Variants in ELSPBP1 observed in about 807,000 individuals in gnomAD.
The protein encoded by ELSPBP1 is epididymal sperm-binding protein 1.
A neutral mutation model predicts 33.3 loss-of-function variants in ELSPBP1; 38 were observed. That is an observed-to-expected ratio of 1.14 (90% CI 0.88 to 1.50). The LOEUF is 1.50. Ranked by LOEUF, ELSPBP1 falls within the 40% of genes most tolerant of loss-of-function variation. ELSPBP1 has a pLI of 0.00. For synonymous variants in ELSPBP1, 85 were observed against 94.1 expected, an observed-to-expected ratio of 0.90 and a Z score of 0.56; for missense variants, 267 against 263.5, an observed-to-expected ratio of 1.01 and a Z score of -0.09.
intron 6 of ELSPBP1, among the ~76,000 whole-genome samples, chr19:48,022,876 C>A (rs1335218445): frequency 1.8e-5 from 2 of 109,264 alleles, no homozygotes; most frequent in East Asian, 3.1e-4. Flanking sequence ...TGTAGCAAGA[C>A]CCTGTCTCTA....
intron 1 of ELSPBP1, among the ~76,000 whole-genome samples, chr19:48,001,346 ATT>A (rs67597303): frequency 2.6e-4 from 37 of 144,710 alleles, no homozygotes; most frequent in Non-Finnish European, 3.6e-4. Context: ...CACCCAGCTA[ATT>A]TTTTTTTTTT....
At chr19:48,023,316 GGA>G (rs1459779068) in intron 6 of ELSPBP1, among the ~76,000 whole-genome samples, 3 of 130,410 alleles carry the variant, frequency 2.3e-5, no homozygotes, top group Non-Finnish European at 4.8e-5. Flanking sequence ...AAGAAAGGAA[GGA>G]GAGAGGGAAA....
Position 48,011,949 on chromosome 19 carries a change from G to A in ELSPBP1, c.71-2222G>A, listed in dbSNP as rs1568406084. Among the ~76,000 whole-genome samples the A allele has an allele frequency of 6.6e-6, 1 of 152,096 alleles. No homozygotes were observed. The highest frequency in any genetic ancestry group is 1.5e-5 in the Non-Finnish European group (1 of 68,024). On this transcript the variant is annotated intron_variant, in intron 2 of 6. Transcript: ENST00000339841. The surrounding 1 kb of genome is among the most constrained non-coding windows in gnomAD (Gnocchi z 4.5). ...AAAAATGCAATGAACTAACAGTTGA[G>A]CAAGTTGAGCTCTCATCCCAGGTCT... is the stretch of plus-strand genomic sequence containing the variant.
chr19:48,014,052 C>T (rs1053117010), intron 2 of ELSPBP1, 119 bp from the exon 3 acceptor site: 29 of 1,156,352 alleles, frequency 2.5e-5, no homozygotes, highest in Admixed American at 8.1e-5. Flanking sequence ...ATGAATTTTG[C>T]GGCGGGGGCA....
intron 1 of ELSPBP1, 36 bp from the exon 2 acceptor site, chr19:48,008,615 C>A (rs1268581690): frequency 2.1e-6 from 3 of 1,452,890 alleles, no homozygotes; most frequent in Non-Finnish European, 2.9e-6. Flanking sequence ...AGGAAGGGGA[C>A]GTGTGGGATG....
chr19:48,000,244 T>G (rs1600100452), intron 1 of ELSPBP1, among the ~76,000 whole-genome samples: 2 of 7,888 alleles, frequency 2.5e-4, no homozygotes, highest in South Asian at 3.5e-3. Context: ...CCCTCCCCCA[T>G]CCCCCATAGA....
At position 48,014,323 on chromosome 19, in the gene ELSPBP1, A is replaced by C. The variant is rs1266580883; in HGVS notation, c.208+15A>C. The C allele has an allele frequency of 1.9e-6, 3 of 1,611,994 alleles. No homozygotes were observed. Among genetic ancestry groups the C allele is most frequent in the Admixed American group, 1.7e-5 (1 of 59,944 alleles). On this transcript the variant is annotated intron_variant, in intron 3 of 6. Coordinates refer to ENST00000339841, the MANE Select transcript of ELSPBP1 (RefSeq NM_022142.5). ...CCAGAGTGAAGGTGAGTGGTATCAC[A>C]TTGTCCCTGCCAGTGGCCTTTGAAT...
At chr19:48,019,089 G>A (rs1967171248) in intron 4 of ELSPBP1, among the ~76,000 whole-genome samples, 1 of 151,984 alleles carries the variant, frequency 6.6e-6, no homozygotes, top group Non-Finnish European at 1.5e-5. Flanking sequence ...GGGAAGTGGA[G>A]GTTGCAGTGA....
chr19:48,020,520 A>C (rs1967187743), intron 5 of ELSPBP1, among the ~76,000 whole-genome samples: 1 of 152,170 alleles, frequency 6.6e-6, no homozygotes, highest in South Asian at 2.1e-4. Context: ...GTGTGTCCAC[A>C]AATGACCACA....
intron 1 of ELSPBP1, among the ~76,000 whole-genome samples, chr19:48,006,620 T>G (rs1286887840): frequency 3.5e-5 from 1 of 28,350 alleles, no homozygotes; most frequent in Non-Finnish European, 5.6e-5. Flanking sequence ...AGACCCTGTC[T>G]CAAAAAAAAA....
intron 5 of ELSPBP1, among the ~76,000 whole-genome samples, chr19:48,020,602 A>G (rs908094813): frequency 6.6e-6 from 1 of 152,158 alleles, no homozygotes; most frequent in African/African-American, 2.4e-5. Flanking sequence ...TGTGGAATCC[A>G]TGAAAGATGA....
At chr19:48,017,952 A>G (rs113553001) in intron 4 of ELSPBP1, among the ~76,000 whole-genome samples, 2,543 of 151,622 alleles carry the variant, frequency 0.017, 24 homozygotes, top group Non-Finnish European at 0.029. Context: ...TTGTGGTAAT[A>G]TAACCTTAAT....
At position 48,011,709 on chromosome 19, in the gene ELSPBP1, AATG is replaced by A. The variant is rs994788538; in HGVS notation, c.71-2454_71-2452del. Among the ~76,000 whole-genome samples, 1 of 152,022 alleles carries A rather than the reference AATG, an allele frequency of 6.6e-6. No individual in the cohort carries two copies. The highest frequency in any genetic ancestry group is 2.4e-5 in the African/African-American group (1 of 41,398). ...AATGACTGATGATGATGATCATGAC[AATG>A]ATGATGAGCATTATGATGATGCCAA... On this transcript the variant is annotated intron_variant, in intron 2 of 6. Transcript: ENST00000339841. The surrounding 1 kb of genome is among the most constrained non-coding windows in gnomAD (Gnocchi z 4.5).
chr19:47,997,978 C>T (rs1966927035), intron 1 of ELSPBP1, among the ~76,000 whole-genome samples: 1 of 152,186 alleles, frequency 6.6e-6, no homozygotes, highest in African/African-American at 2.4e-5. Flanking sequence ...CAGGAAAACA[C>T]TCTGTACATG....
intron 1 of ELSPBP1, among the ~76,000 whole-genome samples, chr19:47,995,266 T>C (rs1966902376): frequency 6.6e-6 from 1 of 152,166 alleles, no homozygotes. Context: ...CTTTCTCTGT[T>C]AATAAACTCA....
intron 1 of ELSPBP1, among the ~76,000 whole-genome samples, chr19:48,008,211 ATG>A (rs528691779): frequency 5.3e-5 from 8 of 151,838 alleles, no homozygotes; most frequent in Non-Finnish European, 7.4e-5. Flanking sequence ...GTAGAAACAT[ATG>A]TGTGTGTGTG....
intron 5 of ELSPBP1, among the ~76,000 whole-genome samples, chr19:48,021,798 G>A (rs1421692009): frequency 6.6e-6 from 1 of 152,108 alleles, no homozygotes; most frequent in Non-Finnish European, 1.5e-5. Flanking sequence ...CTAGGCTACA[G>A]TGCAGTGGTG....
chr19:48,013,437 C>T (rs925617425), intron 2 of ELSPBP1, among the ~76,000 whole-genome samples: 1 of 152,178 alleles, frequency 6.6e-6, no homozygotes, highest in Non-Finnish European at 1.5e-5. Context: ...ATACCACAGG[C>T]CAGGCATGGT....
chr19:48,016,527 TCTTCCTTCCTTCCTTC>T (rs1292111942), intron 4 of ELSPBP1, among the ~76,000 whole-genome samples: 2 of 50,478 alleles, frequency 4.0e-5, no homozygotes, highest in African/African-American at 6.7e-5. Flanking sequence ...TTTCTTTCTT[TCTTCCTTCCTTCCTTC>T]CTTCCTTCCT....
Sources: allele counts gnomAD v4.1 joint callset (sites outside exome capture counted in the v4.1 genomes callset), GRCh38; gene constraint gnomAD v4.1.1; non-coding constraint Gnocchi (gnomAD v3.1); transcripts MANE v1.5; gene names NCBI Gene and HGNC (gene_info 2026-07-23, HGNC 2026-07-21).